The following GEMIN5 variants were observed in gnomAD, a reference collection of about 807,000 sequenced individuals.
The protein encoded by GEMIN5 is gem-associated protein 5.
A neutral mutation model predicts 176.9 loss-of-function variants in GEMIN5; 124 were observed. The ratio of observed to expected loss-of-function variants is 0.70; its 90% CI spans 0.61 to 0.81. The LOEUF (loss-of-function observed/expected upper bound fraction) is 0.81, where lower values mean the gene tolerates loss of function less well. Among genes scored for constraint, GEMIN5 ranks in the 40% least tolerant of loss-of-function variants. The pLI is 0.00. For synonymous variants in GEMIN5, 673 were observed against 665.2 expected (o/e 1.01, Z -0.18); for missense variants, 1,843 against 1,814.6 (o/e 1.02, Z -0.28).
At chr5:154,913,313 G>A (rs868698408) in intron 13 of GEMIN5, among the ~76,000 whole-genome samples, 9 of 152,042 alleles carry the variant, frequency 5.9e-5, no homozygotes, top group South Asian at 2.1e-4. Context: ...TTTTTAGCAG[G>A]CAACATTGTT....
At chr5:154,931,689 C>A (rs920951738) in intron 4 of GEMIN5, 112 bp from the exon 5 acceptor site, 19 of 825,328 alleles carry the variant, frequency 2.3e-5, no homozygotes, top group Admixed American at 1.1e-4. Flanking sequence ...TAGGTCTGAA[C>A]TATAAAATTT....
chr5:154,902,816 T>A, intron 19 of GEMIN5, 140 bp from the exon 20 acceptor site: 1 of 845,394 alleles, frequency 1.2e-6, no homozygotes, highest in East Asian at 2.5e-5. Flanking sequence ...CCTACCAGAG[T>A]GATTACAGTA....
At chr5:154,937,258 G>C in intron 1 of GEMIN5, 73 bp from the exon 2 acceptor site, 2 of 1,241,830 alleles carry the variant, frequency 1.6e-6, no homozygotes, top group Non-Finnish European at 1.1e-6. Flanking sequence ...ACTGTTGTTG[G>C]ATGACAAGTG....
intron 5 of GEMIN5, among the ~76,000 whole-genome samples, chr5:154,930,177 C>T (rs1213105341): frequency 6.6e-6 from 1 of 152,232 alleles, no homozygotes; most frequent in East Asian, 1.9e-4. Context: ...TCCCATCAAA[C>T]CACTTACCCC....
In GEMIN5 at chr5:154,898,589, C is replaced by T. The variant is rs867337851; in HGVS notation, c.3196G>A (p.Ala1066Thr). The T allele has an allele frequency of 6.2e-7, 1 of 1,614,172 alleles. No homozygotes were observed. The change falls in exon 23 of 28, where the codon GCA (alanine) becomes ACA (threonine). Residue 1066 changes from alanine (A) to threonine (T), a missense_variant. Coordinates refer to ENST00000285873, the MANE Select transcript of GEMIN5 (RefSeq NM_015465.5). The part of the protein sequence containing the change: ...AKVLAKKGDA[A>T]SLRTAAELAA... ...AACTCTGCAGCCGTTCTAAGTGATG[C>T]CGCATCCCCCTTTTTGGCCAAAACT...
chr5:154,925,798 G>A, intron 8 of GEMIN5, 64 bp downstream of exon 8: 1 of 872,240 alleles, frequency 1.1e-6, no homozygotes, highest in Non-Finnish European at 1.9e-6. Context: ...TAAATGAACA[G>A]GCATAAAAGA....
intron 10 of GEMIN5, among the ~76,000 whole-genome samples, chr5:154,920,604 C>G (rs1202994880): frequency 6.6e-6 from 1 of 152,180 alleles, no homozygotes; most frequent in Non-Finnish European, 1.5e-5. Flanking sequence ...TCTATAAGAG[C>G]AAGTTTTACT....
rs1204617232 is a variant in GEMIN5, at chr5:154,928,599, A to C, written c.842T>G (p.Val281Gly). 6.2e-7 allele frequency: 1 copy of C among 1,613,838 alleles called. No individual in the cohort carries two copies. The highest frequency in any genetic ancestry group is 1.7e-5 in the Admixed American group (1 of 60,030). The part of the protein sequence containing the change: ...KRRGGGIDPT[V>G]KERLWLTLHW... Reference sequence around the variant, plus strand: ...GAGTGTCAACCAAAGGCGCTCTTTAACAGTTGGGTCTATACCCCCTCCTCT... The same window carrying C: ...GAGTGTCAACCAAAGGCGCTCTTTACCAGTTGGGTCTATACCCCCTCCTCT... Residue 281 changes from valine (V) to glycine (G), a missense_variant, in exon 6 of 28, where the codon GTT (valine) becomes GGT (glycine). By Grantham distance (109) the Val-to-Gly change is moderately radical (BLOSUM62 -3). Transcript: ENST00000285873.
intron 24 of GEMIN5, among the ~76,000 whole-genome samples, chr5:154,894,237 G>C (rs1489122500): frequency 6.6e-6 from 1 of 152,062 alleles, no homozygotes; most frequent in Non-Finnish European, 1.5e-5. Context: ...GAGCCACCAA[G>C]ACTGGCCCTT....
At chr5:154,911,100 C>A (rs1390023823) in intron 15 of GEMIN5, among the ~76,000 whole-genome samples, 1 of 152,152 alleles carries the variant, frequency 6.6e-6, no homozygotes, top group Non-Finnish European at 1.5e-5. Context: ...TCTTTGAGTA[C>A]TGCCTTCCTT....
chr5:154,926,345 T>G (rs1214726819), intron 7 of GEMIN5, among the ~76,000 whole-genome samples: 1 of 152,116 alleles, frequency 6.6e-6, no homozygotes, highest in Non-Finnish European at 1.5e-5. Flanking sequence ...TGTCTCCAAG[T>G]TCGGTGGTCT....
chr5:154,915,050 G>A (rs1299666846), intron 13 of GEMIN5, among the ~76,000 whole-genome samples: 1 of 152,128 alleles, frequency 6.6e-6, no homozygotes, highest in Non-Finnish European at 1.5e-5. Context: ...TTATTTAGTA[G>A]ATATGATATA....
intron 8 of GEMIN5, among the ~76,000 whole-genome samples, chr5:154,925,353 G>A (rs749640253): frequency 2.8e-4 from 42 of 152,012 alleles, no homozygotes; most frequent in Non-Finnish European, 4.9e-4. Flanking sequence ...TTTTTGTGTT[G>A]TTTGATTTTC....
rs778352623 is a variant in GEMIN5 at position 154,932,139 on chromosome 5, A to C, written c.621T>G (p.Pro207=). 2 of 1,613,840 alleles carry C rather than the reference A, an allele frequency of 1.2e-6. No homozygotes were observed. The highest frequency in any genetic ancestry group is 4.5e-5 in the East Asian group (2 of 44,882). The change falls in exon 4 of 28, where the codon CCT becomes CCG. Residue 207 remains proline (P), a synonymous_variant. Transcript: ENST00000285873. ...EIHSIAWCPL[P]GEDCLSINQE... ...GGTTTATAGATAAACAATCTTCACC[A>C]GGCAGGGGACACCAGGCTATGGAGT...
chr5:154,898,290 A>T, intron 23 of GEMIN5, 150 bp downstream of exon 23: 1 of 695,940 alleles, frequency 1.4e-6, no homozygotes, highest in South Asian at 1.7e-5. Flanking sequence ...CTAACAAGTC[A>T]TAGTACTTCA....
chr5:154,927,099 C>T (rs1764056459), intron 7 of GEMIN5, among the ~76,000 whole-genome samples: 1 of 151,910 alleles, frequency 6.6e-6, no homozygotes, highest in South Asian at 2.1e-4. Flanking sequence ...AACTTAAAAC[C>T]ATCCTGAGCT....
intron 25 of GEMIN5, 124 bp from the exon 26 acceptor site, chr5:154,891,866 G>A: frequency 1.1e-6 from 1 of 918,412 alleles, no homozygotes; most frequent in Non-Finnish European, 1.6e-6. Context: ...GGACAACAGT[G>A]TGATCCACCG....
At chr5:154,929,898 G>A (rs1764125164) in intron 5 of GEMIN5, among the ~76,000 whole-genome samples, 1 of 152,198 alleles carries the variant, frequency 6.6e-6, no homozygotes, top group Non-Finnish European at 1.5e-5. Context: ...GTACATCCAT[G>A]CTCATAGCAT....
intron 27 of GEMIN5, 89 bp downstream of exon 27, chr5:154,889,232 A>T (rs1245700749): frequency 1.4e-6 from 1 of 725,872 alleles, no homozygotes. Context: ...AACTGAACAG[A>T]GAGGTAGCTG....
Sources: allele counts gnomAD v4.1 joint callset (sites outside exome capture counted in the v4.1 genomes callset), GRCh38; gene constraint gnomAD v4.1.1; transcripts MANE v1.5; gene names NCBI Gene and HGNC (gene_info 2026-07-23, HGNC 2026-07-21).